Variants in NEMP2 observed in about 807,000 individuals in gnomAD.
The protein encoded by NEMP2 is nuclear envelope integral membrane protein 2.
NEMP2 carries 53 observed loss-of-function variants against 54.2 expected under a neutral mutation model. The ratio of observed to expected loss-of-function variants is 0.98; its 90% confidence interval spans 0.78 to 1.23. The LOEUF is 1.23. Ranked by LOEUF, NEMP2 falls within the 50% of genes most tolerant of loss-of-function variation. The pLI, the probability that NEMP2 is intolerant of heterozygous loss-of-function variation, is 0.00. For missense variants in NEMP2, 455 were observed against 511.3 expected (o/e 0.89, Z 1.06); for synonymous variants, 197 against 190.3 (o/e 1.04, Z -0.29).
At chr2:190,488,899 A>C in the NEMP2 span, 1 of 1,298,244 alleles carries the variant, frequency 7.7e-7, no homozygotes, top group Non-Finnish European at 1.0e-6. The surrounding 1 kb of genome is among the most constrained non-coding windows in gnomAD (Gnocchi z 6.4). Context: ...AAACAATCCA[A>C]TTATTACTGA....
chr2:190,620,537 T>C, the NEMP2 span: 1 of 152,232 alleles, frequency 6.6e-6, no homozygotes, highest in African/African-American at 2.4e-5. This position sits in a 1 kb window ranked among gnomAD's most constrained non-coding sequence, Gnocchi z 4.9. Context: ...AAATCCCAAA[T>C]GAACTTTCAG....
At chr2:190,549,319 T>G in the NEMP2 span, among the ~76,000 whole-genome samples, 1 of 152,226 alleles carries the variant, frequency 6.6e-6, no homozygotes, top group South Asian at 2.1e-4. Flanking sequence ...CTAGATCCAC[T>G]AATTCATTGG....
chr2:190,473,440 G>C, the NEMP2 span, among the ~76,000 whole-genome samples: 2 of 152,108 alleles, frequency 1.3e-5, no homozygotes, highest in African/African-American at 4.8e-5. Context: ...TGCAATCCTG[G>C]TCTCTGATAA....
chr2:190,480,106 T>G, the NEMP2 span, among the ~76,000 whole-genome samples: 1 of 152,182 alleles, frequency 6.6e-6, no homozygotes, highest in Non-Finnish European at 1.5e-5. Flanking sequence ...GAAGCTGCAG[T>G]GACCTGTGAT....
the NEMP2 span, among the ~76,000 whole-genome samples, chr2:190,468,022 G>A: frequency 6.6e-6 from 1 of 152,188 alleles, no homozygotes; most frequent in Admixed American, 6.5e-5. Flanking sequence ...CCACAGGGCT[G>A]GCTTAGAATT....
At chr2:190,607,246 G>A in the NEMP2 span, among the ~76,000 whole-genome samples, 1 of 152,192 alleles carries the variant, frequency 6.6e-6, no homozygotes, top group Non-Finnish European at 1.5e-5. This position sits in a 1 kb window ranked among gnomAD's most constrained non-coding sequence, Gnocchi z 5.2. Flanking sequence ...GCTTGGGTAT[G>A]TGTAGGAGGG....
the NEMP2 span, among the ~76,000 whole-genome samples, chr2:190,478,791 C>T: frequency 1.3e-5 from 2 of 151,840 alleles, no homozygotes; most frequent in South Asian, 4.2e-4. Context: ...ATCAGCACTT[C>T]CGTTTTTTGG....
the NEMP2 span, among the ~76,000 whole-genome samples, chr2:190,490,265 A>T: frequency 1.2e-5 from 1 of 84,072 alleles, no homozygotes; most frequent in Non-Finnish European, 3.3e-5. The surrounding 1 kb of genome is among the most constrained non-coding windows in gnomAD (Gnocchi z 4.5). Context: ...TCATTTGTTA[A>T]AAAAAAAAAA....
chr2:190,637,836 C>G, the NEMP2 span, among the ~76,000 whole-genome samples: 1 of 152,220 alleles, frequency 6.6e-6, no homozygotes, highest in Non-Finnish European at 1.5e-5. The surrounding 1 kb of genome is among the most constrained non-coding windows in gnomAD (Gnocchi z 4.5). Context: ...TGCTTATAGG[C>G]TTAGTGTGTA....
At chr2:190,559,090 T>C in the NEMP2 span, among the ~76,000 whole-genome samples, 3 of 152,156 alleles carry the variant, frequency 2.0e-5, no homozygotes, top group East Asian at 5.8e-4. This position sits in a 1 kb window ranked among gnomAD's most constrained non-coding sequence, Gnocchi z 4.0. Flanking sequence ...ACATTCAAAG[T>C]GAAGATAGGC....
At chr2:190,559,626 G>A in the NEMP2 span, among the ~76,000 whole-genome samples, 1 of 152,238 alleles carries the variant, frequency 6.6e-6, no homozygotes. This position sits in a 1 kb window ranked among gnomAD's most constrained non-coding sequence, Gnocchi z 4.0. Context: ...AGTCAGCAGT[G>A]TCCAATGCTA....
At chr2:190,622,919 T>C in the NEMP2 span, among the ~76,000 whole-genome samples, 1,304 of 152,206 alleles carry the variant, frequency 8.6e-3, 20 homozygotes, top group African/African-American at 0.029. Context: ...GCAAACAATA[T>C]ATTAGATTTA....
chr2:190,518,975 TA>T lies in NEMP2; in HGVS notation c.421del (p.Tyr141IlefsTer2). On this transcript the variant is annotated frameshift_variant, in exon 3 of 9. Transcript: ENST00000409150. LOFTEE classifies it high-confidence loss of function. ...ACTGTTTCGATTCACATGTATCATA[TA>T]GTTAAATATCTTCTTGACAGGCTCC... ...SVEPVKKIFN[Y>X]MIHVNRNIMD... The T allele has an allele frequency of 6.4e-7, 1 of 1,551,014 alleles. No homozygotes were observed. The highest frequency in any genetic ancestry group is 8.7e-7 in the Non-Finnish European group (1 of 1,146,544).
the NEMP2 span, among the ~76,000 whole-genome samples, chr2:190,470,882 CATT>C: frequency 3.3e-5 from 5 of 151,472 alleles, no homozygotes; most frequent in African/African-American, 1.2e-4. Context: ...TTTATATTCA[CATT>C]ATAATTATAA....
the NEMP2 span, among the ~76,000 whole-genome samples, chr2:190,604,318 A>C: frequency 6.6e-6 from 1 of 152,200 alleles, no homozygotes; most frequent in Non-Finnish European, 1.5e-5. The surrounding 1 kb of genome is among the most constrained non-coding windows in gnomAD (Gnocchi z 4.5). Flanking sequence ...CCCAACACCT[A>C]CTTCTGGGAC....
the NEMP2 span, among the ~76,000 whole-genome samples, chr2:190,644,765 G>A: frequency 2.0e-5 from 3 of 152,128 alleles, no homozygotes; most frequent in Non-Finnish European, 2.9e-5. This position sits in a 1 kb window ranked among gnomAD's most constrained non-coding sequence, Gnocchi z 4.4. Flanking sequence ...GTGGGAGGAC[G>A]GAGAGAGGCA....
At chr2:190,596,193 G>C in the NEMP2 span, among the ~76,000 whole-genome samples, 1 of 152,156 alleles carries the variant, frequency 6.6e-6, no homozygotes, top group African/African-American at 2.4e-5. This position sits in a 1 kb window ranked among gnomAD's most constrained non-coding sequence, Gnocchi z 5.1. Flanking sequence ...AGTGGGAGTT[G>C]AACAATGAGA....
upstream of NEMP2, among the ~76,000 whole-genome samples, chr2:190,536,972 C>T (rs1039838745): frequency 1.3e-5 from 2 of 152,058 alleles, no homozygotes; most frequent in African/African-American, 4.8e-5. Flanking sequence ...ATGTGATATC[C>T]ATCATTTGAT....
the NEMP2 span, among the ~76,000 whole-genome samples, chr2:190,582,990 A>G: frequency 6.6e-6 from 1 of 152,180 alleles, no homozygotes; most frequent in Non-Finnish European, 1.5e-5. This position sits in a 1 kb window ranked among gnomAD's most constrained non-coding sequence, Gnocchi z 4.6. Context: ...GTTCTCATAT[A>G]ACTAAGAGGC....
Sources: gnomAD v4.1 joint callset for allele counts (sites outside exome capture counted in the v4.1 genomes callset) on GRCh38, gnomAD v4.1.1 for gene constraint, Gnocchi (gnomAD v3.1) non-coding constraint, MANE v1.5 for transcripts, NCBI Gene and HGNC (gene_info 2026-07-23, HGNC 2026-07-21) for gene names.